Variants in FHIT observed in about 807,000 individuals in gnomAD.
The protein encoded by FHIT is fragile histidine triad diadenosine triphosphatase.
A neutral mutation model predicts 17.9 loss-of-function variants in FHIT; 19 were observed. The ratio of observed to expected loss-of-function variants is 1.06; its 90% CI spans 0.74 to 1.56. The LOEUF is 1.56. FHIT is among the 40% of genes most tolerant of loss of function. The probability of loss-of-function intolerance (pLI) is 0.00; values close to 1 mark genes in which losing one functional copy is unlikely to be tolerated. For synonymous variants in FHIT, 81 were observed against 69.7 expected (o/e 1.16, Z -0.81); for missense variants, 248 against 189.2 (o/e 1.31, Z -1.82).
intron 5 of FHIT, among the ~76,000 whole-genome samples, chr3:60,235,234 G>GTTTTTTTTTTTTTTTTT (rs11441829): frequency 7.0e-6 from 1 of 143,086 alleles, no homozygotes; most frequent in African/African-American, 2.6e-5. Context: ...TTTGTTTGTT[G>GTTTTTTTTTTTTTTTTT]TTTTTTTTTT....
At chr3:60,027,122 C>G (rs576203356) in intron 5 of FHIT, among the ~76,000 whole-genome samples, 4 of 125,338 alleles carry the variant, frequency 3.2e-5, no homozygotes, top group Admixed American at 7.7e-5. Context: ...CACACACACA[C>G]ACACACACAC....
chr3:60,522,542 C>G (rs1014700090), intron 5 of FHIT, among the ~76,000 whole-genome samples: 3 of 152,110 alleles, frequency 2.0e-5, no homozygotes, highest in African/African-American at 7.2e-5. Flanking sequence ...GAGTGATAAA[C>G]AAGGAAACCT....
chr3:59,960,198 T>C (rs999442315), intron 7 of FHIT, among the ~76,000 whole-genome samples: 2 of 152,162 alleles, frequency 1.3e-5, no homozygotes, highest in African/African-American at 4.8e-5. Context: ...GGGAGCATGG[T>C]GAGATCAGAA....
chr3:60,403,334 A>G (rs1310805617), intron 5 of FHIT, among the ~76,000 whole-genome samples: 1 of 152,190 alleles, frequency 6.6e-6, no homozygotes, highest in African/African-American at 2.4e-5. Context: ...TGAACTATGC[A>G]GTGCTTAACC....
chr3:59,763,418 G>A (rs1487383393), intron 8 of FHIT, among the ~76,000 whole-genome samples: 1 of 152,202 alleles, frequency 6.6e-6, no homozygotes, highest in Non-Finnish European at 1.5e-5. Context: ...CAGCAACTGG[G>A]TTGTCAAGAT....
chr3:60,638,362 C>T (rs568654257), intron 4 of FHIT, among the ~76,000 whole-genome samples: 2 of 152,144 alleles, frequency 1.3e-5, no homozygotes, highest in Non-Finnish European at 2.9e-5. Context: ...AGCTGCAAAA[C>T]CTTTGCCTTA....
intron 4 of FHIT, among the ~76,000 whole-genome samples, chr3:60,761,281 T>C (rs1189901289): frequency 2.6e-5 from 4 of 152,212 alleles, no homozygotes; most frequent in African/African-American, 9.7e-5. Context: ...GAATACAAGA[T>C]AACATAGAGA....
At chr3:59,980,511 T>C (rs1414111966) in intron 7 of FHIT, among the ~76,000 whole-genome samples, 1 of 152,160 alleles carries the variant, frequency 6.6e-6, no homozygotes, top group African/African-American at 2.4e-5. Flanking sequence ...ATGGGGTTTG[T>C]CTATATAAGA....
intron 2 of FHIT, among the ~76,000 whole-genome samples, chr3:61,102,735 G>A (rs1456553687): frequency 6.6e-6 from 1 of 152,194 alleles, no homozygotes. Context: ...TTCAGAGCCT[G>A]TTATTGGTGT....
At chr3:60,257,921 C>T (rs760032042) in intron 5 of FHIT, among the ~76,000 whole-genome samples, 6 of 152,012 alleles carry the variant, frequency 3.9e-5, no homozygotes, top group Non-Finnish European at 8.8e-5. Flanking sequence ...GAGAGAATAT[C>T]CGGAAGAAGA....
Position 60,258,357 on chromosome 3 carries a change from T to C in FHIT, c.104-244205A>G, listed in dbSNP as rs576670158. On this transcript the variant is annotated intron_variant, in intron 5 of 9. Transcript: ENST00000492590. ...CATCGTTCCTCAGGATTCCCTTGTT[T>C]AGCGGCCTCTCTAAAACTCCAGGCC... 6.1e-4 allele frequency among the ~76,000 whole-genome samples: 93 copies of C among 152,204 alleles called. 1 individual carries two copies. The highest frequency in any genetic ancestry group is 1.1e-3 in the Non-Finnish European group (74 of 67,998).
At chr3:60,679,649 T>A (rs956163077) in intron 4 of FHIT, among the ~76,000 whole-genome samples, 9 of 152,114 alleles carry the variant, frequency 5.9e-5, no homozygotes, top group African/African-American at 2.2e-4. Flanking sequence ...CTATAAATAC[T>A]ATAATACCAA....
chr3:60,470,278 C>T (rs1333608239), intron 5 of FHIT, among the ~76,000 whole-genome samples: 1 of 152,214 alleles, frequency 6.6e-6, no homozygotes, highest in East Asian at 1.9e-4. Context: ...TCCTGCCAGG[C>T]TTGTGTCCTT....
At chr3:60,246,844 T>C in intron 5 of FHIT, among the ~76,000 whole-genome samples, 1 of 152,150 alleles carries the variant, frequency 6.6e-6, no homozygotes, top group East Asian at 1.9e-4. Context: ...ATGTTCCTGT[T>C]TCTCTTACTG....
intron 5 of FHIT, among the ~76,000 whole-genome samples, chr3:60,148,926 T>C (rs533705229): frequency 6.6e-6 from 1 of 152,322 alleles, no homozygotes; most frequent in Admixed American, 6.5e-5. Flanking sequence ...TTCTTCCCTG[T>C]TGTGCTTATT....
intron 2 of FHIT, among the ~76,000 whole-genome samples, chr3:61,157,598 C>T (rs1576121660): frequency 6.6e-6 from 1 of 152,122 alleles, no homozygotes; most frequent in East Asian, 1.9e-4. Context: ...CCAGAAGCAG[C>T]AGTCACTCTG....
intron 8 of FHIT, among the ~76,000 whole-genome samples, chr3:59,853,062 T>C (rs1702005324): frequency 6.6e-6 from 1 of 152,190 alleles, no homozygotes; most frequent in Non-Finnish European, 1.5e-5. Context: ...TGCTGGATCA[T>C]GTTGTAAGAG....
At chr3:60,229,456 A>C (rs1704384984) in intron 5 of FHIT, among the ~76,000 whole-genome samples, 1 of 151,918 alleles carries the variant, frequency 6.6e-6, no homozygotes, top group Non-Finnish European at 1.5e-5. Context: ...AAAGAAAAGA[A>C]AGAAAGAAAA....
intron 7 of FHIT, among the ~76,000 whole-genome samples, chr3:59,983,999 T>C (rs1292876449): frequency 1.3e-5 from 2 of 152,128 alleles, no homozygotes; most frequent in Non-Finnish European, 2.9e-5. Context: ...GTCTAAATTG[T>C]ATTCGAATTC....
Sources: allele counts gnomAD v4.1 joint callset (sites outside exome capture counted in the v4.1 genomes callset), GRCh38; gene constraint gnomAD v4.1.1; transcripts MANE v1.5; gene names NCBI Gene and HGNC (gene_info 2026-07-23, HGNC 2026-07-21).